The following BMP5 variants were observed in gnomAD, a reference collection of about 807,000 sequenced individuals.
The protein encoded by BMP5 is bone morphogenetic protein 5.
In BMP5, 23 loss-of-function variants were observed where a neutral mutation model predicts 46.6. The ratio of observed to expected loss-of-function variants is 0.49; its 90% CI spans 0.35 to 0.70. The LOEUF is 0.70. Ranked by LOEUF, BMP5 falls within the 30% of genes least tolerant of loss-of-function variation. BMP5 has a pLI of 0.00. For synonymous variants in BMP5, 204 were observed against 191.9 expected, an observed-to-expected ratio of 1.06 and a Z score of -0.52; for missense variants, 545 against 565.6, an observed-to-expected ratio of 0.96 and a Z score of 0.37.
chr6:55,839,611 G>A (rs191670241), intron 1 of BMP5, among the ~76,000 whole-genome samples: 19 of 152,222 alleles, frequency 1.2e-4, no homozygotes, highest in Admixed American at 1.1e-3. Flanking sequence ...CACCATGCTT[G>A]GTCTGTGAAC....
chr6:55,780,467 A>AAAAG (rs1775285580), intron 3 of BMP5, among the ~76,000 whole-genome samples: 3 of 145,760 alleles, frequency 2.1e-5, no homozygotes, highest in Non-Finnish European at 4.5e-5. Context: ...AAAAAAAAAA[A>AAAAG]AAAAAAGAAA....
At chr6:55,808,935 A>G (rs1333790476) in intron 2 of BMP5, among the ~76,000 whole-genome samples, 1 of 152,106 alleles carries the variant, frequency 6.6e-6, no homozygotes, top group Non-Finnish European at 1.5e-5. Flanking sequence ...CAGATACTTT[A>G]AAGAGCCACA....
chr6:55,846,868 A>G (rs1777109603), intron 1 of BMP5, among the ~76,000 whole-genome samples: 1 of 151,354 alleles, frequency 6.6e-6, no homozygotes, highest in Non-Finnish European at 1.5e-5. Context: ...TTTTATGTAT[A>G]TGCCTCAGGT....
chr6:55,774,511 G>A (rs1386075673), intron 3 of BMP5, among the ~76,000 whole-genome samples: 1 of 151,882 alleles, frequency 6.6e-6, no homozygotes, highest in Non-Finnish European at 1.5e-5. Flanking sequence ...TTGAAGTCAA[G>A]AATACTATAA....
At chr6:55,873,323 C>G (rs1344913101) in intron 1 of BMP5, among the ~76,000 whole-genome samples, 1 of 151,866 alleles carries the variant, frequency 6.6e-6, no homozygotes, top group East Asian at 1.9e-4. Context: ...GTTCTAAAAG[C>G]TATAACATCA....
intron 3 of BMP5, among the ~76,000 whole-genome samples, chr6:55,779,393 T>G (rs1442227538): frequency 1.3e-5 from 2 of 152,068 alleles, no homozygotes; most frequent in Non-Finnish European, 2.9e-5. Flanking sequence ...ATGGACTCCT[T>G]AGCAGTAGTC....
intron 2 of BMP5, among the ~76,000 whole-genome samples, chr6:55,797,365 G>T (rs188363436): frequency 3.5e-4 from 53 of 152,170 alleles, no homozygotes; most frequent in Admixed American, 3.5e-3. Flanking sequence ...CTTTTTAAAA[G>T]AAATTCTTAC....
chr6:55,789,470 T>C (rs1050364874), intron 3 of BMP5, among the ~76,000 whole-genome samples: 2 of 151,998 alleles, frequency 1.3e-5, no homozygotes, highest in African/African-American at 4.8e-5. Context: ...TAAAGTTAGA[T>C]TAAATTGCTA....
At chr6:55,766,159 G>A (rs1024112625) in intron 4 of BMP5, among the ~76,000 whole-genome samples, 3 of 152,058 alleles carry the variant, frequency 2.0e-5, no homozygotes, top group Non-Finnish European at 4.4e-5. Flanking sequence ...GAAGCCCTTT[G>A]CACTCTTAGT....
chr6:55,844,422 G>A (rs1777047652), intron 1 of BMP5, among the ~76,000 whole-genome samples: 1 of 151,958 alleles, frequency 6.6e-6, no homozygotes, highest in East Asian at 1.9e-4. Context: ...GTATCATAAA[G>A]CTATACAATT....
intron 3 of BMP5, among the ~76,000 whole-genome samples, chr6:55,774,545 C>T (rs1156456157): frequency 6.6e-6 from 1 of 151,890 alleles, no homozygotes; most frequent in Non-Finnish European, 1.5e-5. Context: ...ACTACTCATT[C>T]GCCTGGAAAT....
rs565281517 is a variant in BMP5, at chr6:55,817,135, C to G, written c.683+2520G>C. Among the ~76,000 whole-genome samples, 3 of 152,266 alleles carry G rather than the reference C, an allele frequency of 2.0e-5. No homozygotes were observed. In the South Asian group the frequency reaches 6.2e-4, roughly 32 times the overall value. On this transcript the variant is annotated intron_variant, in intron 2 of 6. Transcript: ENST00000370830. Reference sequence around the variant, plus strand: ...GAGAGGATGTGGAGAAATAGGAACACTTTTACACTGTTGGTGGGACTGTAA... The same window carrying G: ...GAGAGGATGTGGAGAAATAGGAACAGTTTTACACTGTTGGTGGGACTGTAA...
At chr6:55,866,255 A>G (rs1478661111) in intron 1 of BMP5, among the ~76,000 whole-genome samples, 1 of 152,152 alleles carries the variant, frequency 6.6e-6, no homozygotes, top group East Asian at 1.9e-4. Flanking sequence ...AAGGGCAGGG[A>G]GTGGCTCTGG....
At chr6:55,848,019 A>G (rs1020876152) in intron 1 of BMP5, among the ~76,000 whole-genome samples, 1 of 151,982 alleles carries the variant, frequency 6.6e-6, no homozygotes, top group Admixed American at 6.6e-5. Context: ...ATTATTTTAA[A>G]AACAACTTTT....
chr6:55,851,036 T>C (rs1340093880), intron 1 of BMP5, among the ~76,000 whole-genome samples: 1 of 152,136 alleles, frequency 6.6e-6, no homozygotes, highest in African/African-American at 2.4e-5. Flanking sequence ...TTAAAAGCAG[T>C]TTTGTGTATC....
chr6:55,839,094 C>T lies in BMP5; in HGVS notation c.491-19247G>A, dbSNP rs148167007. 1.8e-3 allele frequency among the ~76,000 whole-genome samples: 274 copies of T among 152,080 alleles called. 6 individuals carry two copies. Among genetic ancestry groups the T allele is most frequent in the Admixed American group, 0.011 (174 of 15,266 alleles). ...ATCAATGTTCATTTTCTTTTTAATG[C>T]TAAGTATTAATATTATATCATCTTG... is the stretch of plus-strand genomic sequence containing the variant. On this transcript the variant is annotated intron_variant, in intron 1 of 6. Coordinates refer to ENST00000370830, the MANE Select transcript of BMP5 (RefSeq NM_021073.4).
intron 4 of BMP5, among the ~76,000 whole-genome samples, chr6:55,768,239 G>C (rs1413829773): frequency 6.6e-6 from 1 of 151,802 alleles, no homozygotes; most frequent in African/African-American, 2.4e-5. Flanking sequence ...TCAAATTTGA[G>C]AACAAGAATA....
intron 3 of BMP5, among the ~76,000 whole-genome samples, chr6:55,783,966 C>T (rs1193024613): frequency 6.6e-6 from 1 of 151,946 alleles, no homozygotes; most frequent in Non-Finnish European, 1.5e-5. Context: ...CTGTTTGTAA[C>T]TGCTTACTTT....
chr6:55,870,272 A>G (rs1777752243), intron 1 of BMP5, among the ~76,000 whole-genome samples: 1 of 151,942 alleles, frequency 6.6e-6, no homozygotes, highest in South Asian at 2.1e-4. Context: ...TTTGTCTGTC[A>G]TGCCAATCAC....
Sources: gnomAD v4.1 joint callset for allele counts (sites outside exome capture counted in the v4.1 genomes callset) on GRCh38, gnomAD v4.1.1 for gene constraint, MANE v1.5 for transcripts, NCBI Gene and HGNC (gene_info 2026-07-23, HGNC 2026-07-21) for gene names.